The following UNC79 variants were observed in gnomAD, a reference collection of about 807,000 sequenced individuals.
The protein encoded by UNC79 is unc-79 subunit of NALCN channel complex.
Under a neutral mutation model 283.1 loss-of-function variants are expected in UNC79, and 37 were observed. The ratio of observed to expected loss-of-function variants is 0.13; its 90% CI spans 0.10 to 0.17. UNC79 has a LOEUF of 0.17. Ranked by LOEUF, UNC79 falls within the 10% of genes least tolerant of loss-of-function variation. The pLI is 1.00. For missense variants in UNC79, 2,272 were observed against 3,211.1 expected (o/e 0.71, Z 7.07); for synonymous variants, 1,107 against 1,200.2 (o/e 0.92, Z 1.61).
At position 93,621,601 on chromosome 14, in the gene UNC79, G is replaced by C; in HGVS notation, c.4388-20G>C. The C allele has an allele frequency of 6.6e-7, 1 of 1,523,092 alleles. No individual in the cohort carries two copies. The highest frequency in any genetic ancestry group is 8.8e-7 in the Non-Finnish European group (1 of 1,139,028). The allele number at this position is 1,523,092 out of a possible 1,614,324, so 94.3% of individuals were successfully genotyped here. A position where few individuals can be genotyped will look rare whatever the true frequency, so the allele number is the denominator to read the frequency against. ...GAAATCTCCAAGTAAAATAGTACTA[G>C]CTTTTTCTGTTTTGATCAGGTGAAA... On this transcript the variant is annotated intron_variant, in intron 29 of 48. Transcript: ENST00000555664. This position sits in a 1 kb window ranked among gnomAD's most constrained non-coding sequence, Gnocchi z 4.8.
At chr14:93,537,702 C>A (rs1595788560) in intron 11 of UNC79, among the ~76,000 whole-genome samples, 1 of 152,176 alleles carries the variant, frequency 6.6e-6, no homozygotes, top group South Asian at 2.1e-4. Flanking sequence ...GTGTCCTCCT[C>A]CTCGCTCCCC....
At position 93,571,923 on chromosome 14, in the gene UNC79, C is replaced by T. The variant is rs781253029; in HGVS notation, c.1785C>T (p.Ser595=). ...GTGGCTACTGGGATAAGTCCTGTAG[C>T]ACAGTGACTCAGCTGAAGGAAGGTC... Residue 595 remains serine (S), a synonymous_variant, in exon 15 of 49, where the codon AGC becomes AGT. Transcript: ENST00000555664. 1.6e-5 allele frequency: 26 copies of T among 1,613,894 alleles called. No individual in the cohort carries two copies. The South Asian group carries it at 2.6e-4, about 16-fold the overall frequency.
chr14:93,647,675 A>C (rs562101432), intron 35 of UNC79, among the ~76,000 whole-genome samples: 2 of 152,190 alleles, frequency 1.3e-5, no homozygotes, highest in Non-Finnish European at 2.9e-5. Context: ...AGAGCCCTGC[A>C]GGTCATTTTA....
At chr14:93,598,403 T>TGTGTGTGG (rs2065243864) in intron 24 of UNC79, among the ~76,000 whole-genome samples, 2 of 142,234 alleles carry the variant, frequency 1.4e-5, no homozygotes, top group African/African-American at 5.5e-5. Flanking sequence ...TGTGTGTGTG[T>TGTGTGTGG]GTGTGTGGCA....
chr14:93,598,804 G>C (rs2065279766), intron 24 of UNC79, among the ~76,000 whole-genome samples: 1 of 152,236 alleles, frequency 6.6e-6, no homozygotes, highest in Non-Finnish European at 1.5e-5. Context: ...TTAGAGGCCT[G>C]AGCCACCACT....
At chr14:93,500,994 T>C (rs1328306172) in intron 7 of UNC79, among the ~76,000 whole-genome samples, 1 of 152,214 alleles carries the variant, frequency 6.6e-6, no homozygotes, top group Non-Finnish European at 1.5e-5. Flanking sequence ...CAACTTTTGT[T>C]TGTTTTCCCA....
rs1027415903 is a variant in UNC79, at chr14:93,478,820, T to A, written c.619+1092T>A. On this transcript the variant is annotated intron_variant, in intron 4 of 48. Transcript: ENST00000555664. ...TAATTTTATGTACTTACGATCTTAT[T>A]AAAGTTGTTGCTCTGTAATAACAAT... 3.3e-5 allele frequency among the ~76,000 whole-genome samples: 5 copies of A among 152,322 alleles called. No individual in the cohort carries two copies. In the East Asian group the frequency reaches 7.7e-4, roughly 23 times the overall value.
At chr14:93,683,993 TC>T (rs2074054531) in intron 42 of UNC79, among the ~76,000 whole-genome samples, 1 of 152,146 alleles carries the variant, frequency 6.6e-6, no homozygotes, top group African/African-American at 2.4e-5. Context: ...ATCCATCATC[TC>T]CAACAGTTTC....
intron 14 of UNC79, among the ~76,000 whole-genome samples, chr14:93,558,531 G>T (rs75185706): frequency 0.3 from 43,955 of 147,156 alleles, 7,055 homozygotes; most frequent in East Asian, 0.7. Flanking sequence ...ACTCCAGCCT[G>T]GGGGACAGAG....
At chr14:93,470,606 T>C (rs776378798) in intron 2 of UNC79, among the ~76,000 whole-genome samples, 41 of 152,202 alleles carry the variant, frequency 2.7e-4, no homozygotes, top group African/African-American at 8.4e-4. Flanking sequence ...TTAGTCCAAA[T>C]TTCATCCAGC....
intron 7 of UNC79, among the ~76,000 whole-genome samples, chr14:93,507,579 A>T (rs1356182307): frequency 6.6e-6 from 1 of 151,940 alleles, no homozygotes; most frequent in African/African-American, 2.4e-5. Context: ...TTTGTTGTTG[A>T]TATGTAGTTG....
chr14:93,353,049 G>A (rs1260366359), intron 1 of UNC79, among the ~76,000 whole-genome samples: 1 of 152,160 alleles, frequency 6.6e-6, no homozygotes, highest in Non-Finnish European at 1.5e-5. Flanking sequence ...TGTGATGTCA[G>A]CCTTCAATCA....
chr14:93,402,676 T>C (rs916141990), intron 1 of UNC79, among the ~76,000 whole-genome samples: 2 of 151,954 alleles, frequency 1.3e-5, no homozygotes, highest in African/African-American at 4.8e-5. Flanking sequence ...AAGTAAGAGA[T>C]ATAGATAGAA....
chr14:93,666,707 C>A (rs1225784575), intron 40 of UNC79, among the ~76,000 whole-genome samples: 1 of 152,036 alleles, frequency 6.6e-6, no homozygotes, highest in Non-Finnish European at 1.5e-5. Flanking sequence ...GCAGATAAAA[C>A]ATATAGTAGA....
At chr14:93,357,552 C>A (rs1265148113) in intron 1 of UNC79, among the ~76,000 whole-genome samples, 1 of 151,346 alleles carries the variant, frequency 6.6e-6, no homozygotes, top group East Asian at 1.9e-4. Flanking sequence ...TGCTCCTGCC[C>A]TTAAACATCA....
intron 1 of UNC79, among the ~76,000 whole-genome samples, chr14:93,397,420 G>A (rs2055020814): frequency 1.3e-5 from 2 of 152,144 alleles, no homozygotes; most frequent in Non-Finnish European, 2.9e-5. Flanking sequence ...TTAGGAATAG[G>A]GCTTTAAAGA....
intron 1 of UNC79, among the ~76,000 whole-genome samples, chr14:93,372,212 A>G (rs2054466651): frequency 6.6e-6 from 1 of 152,208 alleles, no homozygotes; most frequent in Non-Finnish European, 1.5e-5. Flanking sequence ...TAATAGCAAC[A>G]ATGTATTCAA....
chr14:93,651,912 ATTTTTTTTTTTTTTT>A (rs71129653), intron 35 of UNC79, among the ~76,000 whole-genome samples: 5 of 46,602 alleles, frequency 1.1e-4, no homozygotes, highest in Non-Finnish European at 1.2e-4. Context: ...CTAATTTTGT[ATTTTTTTTTTTTTTT>A]TTTTTTTTTT....
intron 3 of UNC79, among the ~76,000 whole-genome samples, chr14:93,475,334 G>A (rs1399404210): frequency 1.3e-5 from 2 of 152,096 alleles, no homozygotes; most frequent in Non-Finnish European, 2.9e-5. Flanking sequence ...GGTAGTGGGG[G>A]TTATTTTGTC....
Sources: allele counts gnomAD v4.1 joint callset (sites outside exome capture counted in the v4.1 genomes callset), GRCh38; gene constraint gnomAD v4.1.1; non-coding constraint Gnocchi (gnomAD v3.1); transcripts MANE v1.5; gene names NCBI Gene and HGNC (gene_info 2026-07-23, HGNC 2026-07-21).